FOXN3: variants seen among roughly 807,000 people sequenced by gnomAD.
The protein encoded by FOXN3 is forkhead box protein N3.
FOXN3 carries 7 observed loss-of-function variants against 38.4 expected under a neutral mutation model. That is an observed-to-expected ratio of 0.18 (90% CI 0.10 to 0.34). The LOEUF (loss-of-function observed/expected upper bound fraction) is 0.34, where lower values mean the gene tolerates loss of function less well. FOXN3 is among the 10% of genes least tolerant of loss of function. The pLI is 1.00. For synonymous variants in FOXN3, 230 were observed against 242.2 expected, an observed-to-expected ratio of 0.95 and a Z score of 0.47; for missense variants, 456 against 613.4, an observed-to-expected ratio of 0.74 and a Z score of 2.71.
chr14:89,617,010 GTTTTGTTTTTGT>G (rs145853696), intron 1 of FOXN3, among the ~76,000 whole-genome samples: 1 of 152,038 alleles, frequency 6.6e-6, no homozygotes, highest in Non-Finnish European at 1.5e-5. Context: ...TGACATGCAG[GTTTTGTTTTTGT>G]TTTTGTTTTT....
intron 1 of FOXN3, among the ~76,000 whole-genome samples, chr14:89,436,481 C>A (rs1221374518): frequency 6.6e-6 from 1 of 152,116 alleles, no homozygotes; most frequent in Admixed American, 6.6e-5. Flanking sequence ...TTTTTCTTCT[C>A]TCCCTTTCCC....
chr14:89,244,593 G>C (rs1488904271), intron 4 of FOXN3, among the ~76,000 whole-genome samples: 1 of 152,168 alleles, frequency 6.6e-6, no homozygotes, highest in Non-Finnish European at 1.5e-5. Context: ...GATAAGACCA[G>C]TATAAGAATT....
chr14:89,575,016 G>A (rs1895575372), intron 1 of FOXN3, among the ~76,000 whole-genome samples: 1 of 152,220 alleles, frequency 6.6e-6, no homozygotes, highest in South Asian at 2.1e-4. Flanking sequence ...GGAAGCTGAA[G>A]CAGATGAGAT....
At chr14:89,482,648 C>A (rs542634454) in intron 1 of FOXN3, among the ~76,000 whole-genome samples, 6 of 151,894 alleles carry the variant, frequency 4.0e-5, no homozygotes, top group Middle Eastern at 3.4e-3. Context: ...GTGGCTCACA[C>A]CTATAATCCC....
chr14:89,354,179 G>A (rs77353645), intron 2 of FOXN3, among the ~76,000 whole-genome samples: 2,695 of 152,058 alleles, frequency 0.018, 37 homozygotes, highest in Non-Finnish European at 0.029. Context: ...AAAAATATCT[G>A]CATCTCATCT....
intron 5 of FOXN3, among the ~76,000 whole-genome samples, chr14:89,171,997 T>C (rs1887401936): frequency 6.6e-6 from 1 of 152,216 alleles, no homozygotes; most frequent in South Asian, 2.1e-4. Context: ...TAATGCAGTT[T>C]ATTTAGCAAG....
intron 2 of FOXN3, among the ~76,000 whole-genome samples, chr14:89,400,794 G>A (rs1010644529): frequency 3.9e-5 from 6 of 152,034 alleles, no homozygotes; most frequent in African/African-American, 9.7e-5. Flanking sequence ...TTCAAGGCAC[G>A]GCCTAGTCAG....
intron 2 of FOXN3, among the ~76,000 whole-genome samples, chr14:89,394,063 G>A (rs1891034346): frequency 6.6e-6 from 1 of 152,012 alleles, no homozygotes; most frequent in African/African-American, 2.4e-5. Context: ...GAGTGGGAGA[G>A]AGAGAAAGGG....
intron 1 of FOXN3, among the ~76,000 whole-genome samples, chr14:89,413,095 G>A (rs543674947): frequency 2.7e-4 from 41 of 152,056 alleles, no homozygotes; most frequent in African/African-American, 8.2e-4. Context: ...CCTAGAACAC[G>A]GAGTAAAATA....
At chr14:89,587,125 C>T (rs1287618334) in intron 1 of FOXN3, among the ~76,000 whole-genome samples, 1 of 152,180 alleles carries the variant, frequency 6.6e-6, no homozygotes, top group Non-Finnish European at 1.5e-5. Flanking sequence ...CGTGTGAAGG[C>T]AAAATTTCCT....
chr14:89,446,220 A>C (rs1596276969), intron 1 of FOXN3, among the ~76,000 whole-genome samples: 2 of 102,232 alleles, frequency 2.0e-5, no homozygotes, highest in East Asian at 2.9e-4. Flanking sequence ...ACAGAGTCTC[A>C]CTCTGTTCCC....
At chr14:89,447,219 G>A (rs1025796436) in intron 1 of FOXN3, among the ~76,000 whole-genome samples, 1 of 144,558 alleles carries the variant, frequency 6.9e-6, no homozygotes, top group African/African-American at 2.6e-5. Flanking sequence ...AAAAAAAAAC[G>A]AATTCCTAAA....
At chr14:89,536,842 T>A (rs1282211249) in intron 1 of FOXN3, among the ~76,000 whole-genome samples, 2 of 152,140 alleles carry the variant, frequency 1.3e-5, no homozygotes, top group Non-Finnish European at 1.5e-5. Context: ...TCCTCCAGGT[T>A]TATCTTCCAA....
intron 4 of FOXN3, among the ~76,000 whole-genome samples, chr14:89,262,963 T>C (rs1368059962): frequency 1.3e-5 from 2 of 152,230 alleles, no homozygotes; most frequent in Admixed American, 1.3e-4. Context: ...ATTATATATG[T>C]TTCCCGACTA....
At chr14:89,292,176 AC>A (rs1372792999) in intron 3 of FOXN3, among the ~76,000 whole-genome samples, 1 of 151,336 alleles carries the variant, frequency 6.6e-6, no homozygotes, top group East Asian at 2.0e-4. Flanking sequence ...CATCTCTATT[AC>A]CCTTCTTTTC....
At chr14:89,380,472 A>C (rs948015014) in intron 2 of FOXN3, among the ~76,000 whole-genome samples, 6 of 152,248 alleles carry the variant, frequency 3.9e-5, no homozygotes, top group Non-Finnish European at 8.8e-5. Context: ...AATCATGTTA[A>C]CATCAAACAG....
chr14:89,436,822 G>A (rs1268840386), intron 1 of FOXN3, among the ~76,000 whole-genome samples: 1 of 152,176 alleles, frequency 6.6e-6, no homozygotes, highest in Non-Finnish European at 1.5e-5. Context: ...TGGGAGAAAA[G>A]TACCAAATTA....
intron 4 of FOXN3, among the ~76,000 whole-genome samples, chr14:89,272,879 TA>T (rs1886191465): frequency 6.6e-6 from 1 of 152,076 alleles, no homozygotes; most frequent in Non-Finnish European, 1.5e-5. Context: ...AAAATAAAAA[TA>T]AAATAATCCT....
intron 3 of FOXN3, among the ~76,000 whole-genome samples, chr14:89,336,418 T>C (rs1800990720): frequency 6.6e-6 from 1 of 152,200 alleles, no homozygotes; most frequent in South Asian, 2.1e-4. Context: ...CCTAAATTCC[T>C]TTTTAACAAG....
Sources: gnomAD v4.1 joint callset for allele counts (sites outside exome capture counted in the v4.1 genomes callset) on GRCh38, gnomAD v4.1.1 for gene constraint, MANE v1.5 for transcripts, NCBI Gene and HGNC (gene_info 2026-07-23, HGNC 2026-07-21) for gene names.